Variants in OR10J1 observed in about 807,000 individuals in gnomAD.
The protein encoded by OR10J1 is olfactory receptor 10J1.
For synonymous variants in OR10J1, 202 were observed against 143.8 expected, an observed-to-expected ratio of 1.40 and a Z score of -2.89; for missense variants, 474 against 376.6, an observed-to-expected ratio of 1.26 and a Z score of -2.14.
At chr1:159,432,103 G>A in the OR10J1 span, 1 of 399,204 alleles carries the variant, frequency 2.5e-6, no homozygotes, top group African/African-American at 2.1e-5. Context: ...TGCCATTTCA[G>A]TGCCTGCACA....
At chr1:159,410,347 A>T in the OR10J1 span, among the ~76,000 whole-genome samples, 1 of 152,078 alleles carries the variant, frequency 6.6e-6, no homozygotes, top group Non-Finnish European at 1.5e-5. Context: ...TTTGGTTGGT[A>T]AGCTATTGAT....
At chr1:159,437,084 A>G (rs901487017), upstream of OR10J1, among the ~76,000 whole-genome samples, 2 of 152,244 alleles carry the variant, frequency 1.3e-5, no homozygotes, top group Non-Finnish European at 2.9e-5. Flanking sequence ...AAGAAGTAGT[A>G]AACAACTCAT....
chr1:159,405,349 T>C, the OR10J1 span: 1 of 154,124 alleles, frequency 6.5e-6, no homozygotes, highest in African/African-American at 2.4e-5. Flanking sequence ...GGAGGCTCCC[T>C]GGACTGTGGA....
chr1:159,430,640 G>GGTGTGTGT, the OR10J1 span, among the ~76,000 whole-genome samples: 31,314 of 140,684 alleles, frequency 0.22, 3,909 homozygotes, highest in Non-Finnish European at 0.28. Flanking sequence ...AAAAAATTAT[G>GGTGTGTGT]GTGTGTGTGT....
the OR10J1 span, among the ~76,000 whole-genome samples, chr1:159,410,043 A>G: frequency 4.3e-4 from 65 of 152,246 alleles, no homozygotes; most frequent in African/African-American, 1.5e-3. Context: ...TCCCAGGGAT[A>G]AAGCCCACTT....
At chr1:159,429,458 C>A in the OR10J1 span, among the ~76,000 whole-genome samples, 2 of 152,182 alleles carry the variant, frequency 1.3e-5, no homozygotes, top group Non-Finnish European at 1.5e-5. Context: ...CTGAGGCCCT[C>A]CCCATAATGC....
upstream of OR10J1, chr1:159,432,937 C>A: frequency 2.3e-6 from 1 of 431,494 alleles, no homozygotes; most frequent in Non-Finnish European, 4.1e-6. Context: ...GTGCCTCACA[C>A]CTCACAGTGG....
the OR10J1 span, among the ~76,000 whole-genome samples, chr1:159,413,696 G>C: frequency 6.8e-6 from 1 of 146,050 alleles, no homozygotes; most frequent in African/African-American, 2.5e-5. Context: ...TTGTGGGGTA[G>C]GGGGAGGGGG....
chr1:159,408,566 GTAAC>G, the OR10J1 span, among the ~76,000 whole-genome samples: 302 of 151,762 alleles, frequency 2.0e-3, 2 homozygotes, highest in African/African-American at 6.8e-3. Context: ...GTATACATAT[GTAAC>G]TAACCTGCAC....
chr1:159,400,604 A>G, the OR10J1 span, among the ~76,000 whole-genome samples: 5 of 150,568 alleles, frequency 3.3e-5, no homozygotes, highest in South Asian at 1.0e-3. Flanking sequence ...TACCCAATAT[A>G]TAAAAGATAT....
At chr1:159,401,568 G>C in the OR10J1 span, among the ~76,000 whole-genome samples, 4 of 151,836 alleles carry the variant, frequency 2.6e-5, no homozygotes, top group African/African-American at 4.8e-5. Flanking sequence ...TAAAAAACCT[G>C]AGCAGATAAA....
the OR10J1 span, among the ~76,000 whole-genome samples, chr1:159,408,297 G>A: frequency 2.0e-5 from 3 of 152,026 alleles, no homozygotes; most frequent in African/African-American, 7.2e-5. Flanking sequence ...AAAAAATGAT[G>A]AGTTCATGTC....
chr1:159,421,826 G>A, the OR10J1 span, among the ~76,000 whole-genome samples: 8 of 152,100 alleles, frequency 5.3e-5, no homozygotes, highest in Non-Finnish European at 8.8e-5. Flanking sequence ...GGTGACGTAC[G>A]CTGGCACTGA....
the OR10J1 span, among the ~76,000 whole-genome samples, chr1:159,426,769 A>G: frequency 6.6e-6 from 1 of 151,884 alleles, no homozygotes; most frequent in African/African-American, 2.4e-5. Context: ...ATGGACCACA[A>G]TGCAATAAAA....
upstream of OR10J1, among the ~76,000 whole-genome samples, chr1:159,437,483 A>G (rs927547897): frequency 5.9e-5 from 9 of 152,284 alleles, no homozygotes; most frequent in South Asian, 1.0e-3. Flanking sequence ...ATACATCTGT[A>G]AAAAAATAAA....
the OR10J1 span, among the ~76,000 whole-genome samples, chr1:159,400,798 A>G: frequency 6.6e-6 from 1 of 151,834 alleles, no homozygotes; most frequent in Non-Finnish European, 1.5e-5. Flanking sequence ...AACATTTCAT[A>G]CAAGAGCTGC....
chr1:159,418,678 C>A, the OR10J1 span, among the ~76,000 whole-genome samples: 1 of 152,208 alleles, frequency 6.6e-6, no homozygotes, highest in East Asian at 1.9e-4. Context: ...CTTACTGGGA[C>A]ACTGGCTAGT....
At chr1:159,414,562 A>C in the OR10J1 span, among the ~76,000 whole-genome samples, 1 of 152,136 alleles carries the variant, frequency 6.6e-6, no homozygotes, top group East Asian at 1.9e-4. Context: ...GAAAGTGTAG[A>C]TATCTCTTCA....
chr1:159,417,187 T>C, the OR10J1 span, among the ~76,000 whole-genome samples: 1 of 152,198 alleles, frequency 6.6e-6, no homozygotes, highest in South Asian at 2.1e-4. Context: ...CTTTTTTCTA[T>C]ATGTGTTTAT....
Sources: gnomAD v4.1 joint callset for allele counts (sites outside exome capture counted in the v4.1 genomes callset) on GRCh38, gnomAD v4.1.1 for gene constraint, MANE v1.5 for transcripts, NCBI Gene and HGNC (gene_info 2026-07-23, HGNC 2026-07-21) for gene names.